GSG1: variants seen among roughly 807,000 people sequenced by gnomAD.
GSG1 encodes the protein germ cell-specific gene 1 protein.
In GSG1, 28 loss-of-function variants were observed where a neutral mutation model predicts 30.8. That is an observed-to-expected ratio of 0.91 (90% CI 0.67 to 1.25). GSG1 has a LOEUF of 1.25. Ranked by LOEUF, GSG1 falls within the 50% of genes most tolerant of loss-of-function variation. GSG1 has a pLI of 0.00. For missense variants in GSG1, 435 were observed against 444.7 expected (o/e 0.98, Z 0.20); for synonymous variants, 162 against 178.0 (o/e 0.91, Z 0.71).
At chr12:13,087,827 G>A (rs1865682016) in intron 5 of GSG1, 80 bp downstream of exon 5, 2 of 1,466,340 alleles carry the variant, frequency 1.4e-6, no homozygotes, top group African/African-American at 2.8e-5. Flanking sequence ...TCCCCTTCAG[G>A]GCAAAGACTC....
intron 1 of GSG1, among the ~76,000 whole-genome samples, chr12:13,091,761 T>A (rs991366333): frequency 1.3e-5 from 2 of 152,244 alleles, no homozygotes; most frequent in African/African-American, 2.4e-5. Flanking sequence ...TCTATGTGAC[T>A]GTCCATACTT....
chr12:13,091,054 G>A (rs529410457), intron 1 of GSG1, among the ~76,000 whole-genome samples: 19 of 152,266 alleles, frequency 1.2e-4, no homozygotes, highest in Admixed American at 7.2e-4. Context: ...CCCAAATGGG[G>A]GCCTCAGAAG....
chr12:13,085,378 T>A, intron 6 of GSG1, 135 bp from the exon 7 acceptor site: 1 of 755,936 alleles, frequency 1.3e-6, no homozygotes, highest in Non-Finnish European at 2.1e-6. Context: ...ATGTTTCAGG[T>A]AAAGAACTGT....
rs1265279596 is a variant in GSG1 at position 13,085,136 on chromosome 12, T to C, written c.854A>G (p.Lys285Arg). ...ATGTGGTAGGCAGTTCGGGTTTTCC[T>C]TGAAGCTCTTACTATGCTTGCACTT... Reference protein sequence around the residue: ...EFKCKHSKSFKENPNCLPHHH... With the variant: ...EFKCKHSKSFRENPNCLPHHH... Residue 285 changes from lysine (K) to arginine (R), a missense_variant, in exon 7 of 7, where the codon AAG becomes AGG. By Grantham distance (26) the Lys-to-Arg change is conservative (BLOSUM62 2). Transcript: ENST00000651961. 6.2e-7 allele frequency: 1 copy of C among 1,614,224 alleles called. No individual in the cohort carries two copies. The highest frequency in any genetic ancestry group is 1.6e-4 in the Middle Eastern group (1 of 6,062).
intron 2 of GSG1, among the ~76,000 whole-genome samples, chr12:13,089,628 C>T (rs563767455): frequency 1.3e-4 from 20 of 152,316 alleles, no homozygotes; most frequent in East Asian, 3.9e-4. Context: ...TGGCTGGCTT[C>T]GGTTCCCCCA....
chr12:13,094,605 C>T (rs987564788), intron 1 of GSG1, among the ~76,000 whole-genome samples: 1 of 152,194 alleles, frequency 6.6e-6, no homozygotes, highest in African/African-American at 2.4e-5. Flanking sequence ...CATTCTCTTA[C>T]TGTGAGTCAT....
In GSG1 at chr12:13,084,880, C is replaced by T. The variant is rs1865353584; in HGVS notation, c.*21G>A. ...ACGTGTAAGGTAGGGCTCAAGCCTA[C>T]TCCCCAAACCCGCTTAACTCCTAAC... On this transcript the variant is annotated 3_prime_UTR_variant, in exon 7 of 7. Coordinates refer to ENST00000651961, the MANE Select transcript of GSG1 (RefSeq NM_001080555.4). 1 of 1,486,836 alleles carries T rather than the reference C, an allele frequency of 6.7e-7. No individual in the cohort carries two copies. Among genetic ancestry groups the T allele is most frequent in the Non-Finnish European group, 9.1e-7 (1 of 1,099,520 alleles). 92.1% of individuals were successfully genotyped at this position (1,486,836 alleles called of 1,614,324 possible). A position where few individuals can be genotyped will look rare whatever the true frequency, so the allele number is the denominator to read the frequency against.
rs756179549 is a variant in GSG1 at position 13,085,220 on chromosome 12, CA to C, written c.769del (p.Cys257AlafsTer56). ...GGTGGTGACAGCCGACGCCATGCAG[CA>C]GGTGAAGGAGAGCCAGGCCATGCTA... ...AFYMAWLSFT[C>X]CMASAVTTFN... On this transcript the variant is annotated frameshift_variant, in exon 7 of 7. Coordinates refer to ENST00000651961, the MANE Select transcript of GSG1 (RefSeq NM_001080555.4). LOFTEE classifies it low-confidence loss of function (END_TRUNC). 6.2e-7 allele frequency: 1 copy of C among 1,607,688 alleles called. No homozygotes were observed. Among genetic ancestry groups the C allele is most frequent in the African/African-American group, 1.3e-5 (1 of 74,978 alleles).
In GSG1 at chr12:13,085,068, T is replaced by G; in HGVS notation, c.922A>C (p.Thr308Pro). The change falls in exon 7 of 7, where the codon ACC (threonine) becomes CCC (proline). Residue 308 changes from threonine (T) to proline (P), a missense_variant. Thr to Pro is a conservative substitution (Grantham distance 38, BLOSUM62 -1). Coordinates refer to ENST00000651961, the MANE Select transcript of GSG1 (RefSeq NM_001080555.4). ...FPRRLSSAAP[T>P]VGPLTSYHQY... is the part of the protein sequence containing the mutation. ...TGGTAGCTGGTCAAAGGACCCACGG[T>G]GGGGGCTGCACTTGACAGCCGCCGA... The G allele has an allele frequency of 6.2e-7, 1 of 1,609,392 alleles. No homozygotes were observed. Among genetic ancestry groups the G allele is most frequent in the Non-Finnish European group, 8.5e-7 (1 of 1,177,624 alleles).
chr12:13,095,511 C>G, intron 1 of GSG1: 1 of 1,208,034 alleles, frequency 8.3e-7, no homozygotes, highest in Admixed American at 1.7e-5. Context: ...GACAACAGAT[C>G]GATGAGGCAG....
chr12:13,095,457 G>C, intron 1 of GSG1: 1 of 851,256 alleles, frequency 1.2e-6, no homozygotes, highest in Non-Finnish European at 2.0e-6. Flanking sequence ...CCTTACATCA[G>C]CATATATTAA....
In GSG1 at chr12:13,087,906, C is replaced by T. The variant is rs1865690121; in HGVS notation, c.634+1G>A. 1 of 1,613,570 alleles carries T rather than the reference C, an allele frequency of 6.2e-7. No individual in the cohort carries two copies. Among genetic ancestry groups the T allele is most frequent in the Non-Finnish European group, 8.5e-7 (1 of 1,179,856 alleles). On this transcript the variant is annotated splice_donor_variant, in intron 5 of 6. Transcript: ENST00000651961. LOFTEE classifies it high-confidence loss of function. ...CCTCTCTCACTCCAGGAGCAACTCA[C>T]CTGACAGGACAGAGGAAACAGCAGC...
In GSG1 at chr12:13,087,959, A is replaced by G. The variant is rs775237533; in HGVS notation, c.582T>C (p.Pro194=). The part of the protein sequence containing the change: ...LLTDLLLTGN[P]ACGLKLSAFA... ...AGGCGCTCAGTTTGAGCCCACAGGC[A>G]GGGTTCCCAGTGAGTAGCAAGTCTG... The change falls in exon 5 of 7, where the codon CCT becomes CCC. Residue 194 remains proline, a synonymous_variant. Transcript: ENST00000651961. 1 of 1,614,268 alleles carries G rather than the reference A, an allele frequency of 6.2e-7. No individual in the cohort carries two copies. The highest frequency in any genetic ancestry group is 8.5e-7 in the Non-Finnish European group (1 of 1,180,046).
intron 2 of GSG1, 126 bp from the exon 3 acceptor site, chr12:13,089,402 A>C (rs1565531641): frequency 2.0e-6 from 3 of 1,490,804 alleles, no homozygotes; most frequent in Non-Finnish European, 2.7e-6. Flanking sequence ...TGGGCATTAG[A>C]AGAACTTTAG....
In GSG1 at chr12:13,101,092, C is replaced by T. The variant is rs780827774; in HGVS notation, c.48+2373G>A. On this transcript the variant is annotated intron_variant, in intron 1 of 6. Coordinates refer to ENST00000651961, the MANE Select transcript of GSG1 (RefSeq NM_001080555.4). The surrounding 1 kb of genome is among the most constrained non-coding windows in gnomAD (Gnocchi z 5.8). ...CTGGAGTGAATCAGAGGGGCAGCCA[C>T]ATCTGCACATCCTGTGGGGCAATCG... is the stretch of plus-strand genomic sequence containing the variant. Among the ~76,000 whole-genome samples the T allele has an allele frequency of 4.6e-5, 7 of 152,160 alleles. No individual in the cohort carries two copies. The highest frequency in any genetic ancestry group is 7.3e-5 in the Non-Finnish European group (5 of 68,030).
In GSG1 at chr12:13,088,337, CCTGCA is replaced by C. The variant is rs1865744435; in HGVS notation, c.482-283_482-279del. On this transcript the variant is annotated intron_variant, in intron 4 of 6. Coordinates refer to ENST00000651961, the MANE Select transcript of GSG1 (RefSeq NM_001080555.4). Reference sequence around the variant, plus strand: ...AAGAAATCATCGAATTTTCATAAATCCTGCAGGGAAATAATGTTGCTCTAGTTATC... The same window carrying C: ...AAGAAATCATCGAATTTTCATAAATCGGGAAATAATGTTGCTCTAGTTATC... Among the ~76,000 whole-genome samples, 10 of 152,254 alleles carry C rather than the reference CCTGCA, an allele frequency of 6.6e-5. No individual in the cohort carries two copies. In the South Asian group the frequency reaches 2.1e-3, roughly 32 times the overall value.
Position 13,093,702 on chromosome 12 carries a change from C to A in GSG1, c.49-2884G>T, listed in dbSNP as rs1209786684. Among the ~76,000 whole-genome samples the A allele has an allele frequency of 1.3e-5, 2 of 152,154 alleles. No individual in the cohort carries two copies. The highest frequency in any genetic ancestry group is 1.9e-4 in the East Asian group (1 of 5,190). ...CAAGCCCTTGGTCAGTGGAGAGGAACCTGGAGGGCCGTGTCTTCCAGCCTG... is the reference window on the plus strand; with the variant it reads ...CAAGCCCTTGGTCAGTGGAGAGGAAACTGGAGGGCCGTGTCTTCCAGCCTG... On this transcript the variant is annotated intron_variant, in intron 1 of 6. Coordinates refer to ENST00000651961, the MANE Select transcript of GSG1 (RefSeq NM_001080555.4). This position sits in a 1 kb window ranked among gnomAD's most constrained non-coding sequence, Gnocchi z 4.6.
chr12:13,103,379 A>G, intron 1 of GSG1, 86 bp downstream of exon 1: 1 of 956,916 alleles, frequency 1.0e-6, no homozygotes. Context: ...CATGAAATTG[A>G]TGAGTTAGTG....
intron 1 of GSG1, chr12:13,095,608 G>C (rs745500783): frequency 2.5e-6 from 4 of 1,614,180 alleles, no homozygotes; most frequent in Non-Finnish European, 3.4e-6. Flanking sequence ...CCTTGGCCAT[G>C]GTCAGCGTCT....
Sources: allele counts gnomAD v4.1 joint callset (sites outside exome capture counted in the v4.1 genomes callset), GRCh38; gene constraint gnomAD v4.1.1; non-coding constraint Gnocchi (gnomAD v3.1); transcripts MANE v1.5; gene names NCBI Gene and HGNC (gene_info 2026-07-23, HGNC 2026-07-21).